VRTN: variants seen among roughly 807,000 people sequenced by gnomAD.
VRTN encodes the protein vertebrae development associated, also known as vertnin.
VRTN carries 5 observed loss-of-function variants against 18.2 expected under a neutral mutation model. The observed-to-expected ratio is 0.27, with a 90% CI of 0.14 to 0.58. The LOEUF (loss-of-function observed/expected upper bound fraction) is 0.58. Among genes scored for constraint, VRTN ranks in the 20% least tolerant of loss-of-function variants. VRTN has a pLI of 0.91. For missense variants in VRTN, 741 were observed against 939.4 expected (o/e 0.79, Z 2.76); for synonymous variants, 381 against 393.7 (o/e 0.97, Z 0.38).
At chr14:74,332,456 G>T (rs2140202549) in intron 1 of VRTN, among the ~76,000 whole-genome samples, 1 of 142,932 alleles carries the variant, frequency 7.0e-6, no homozygotes, top group African/African-American at 2.6e-5. Context: ...CCGGGTTCAA[G>T]CGATTCTCCT....
intron 1 of VRTN, among the ~76,000 whole-genome samples, 190 bp downstream of exon 1, chr14:74,348,842 GCT>G (rs1180677066): frequency 4.6e-5 from 7 of 151,544 alleles, no homozygotes; most frequent in African/African-American, 1.2e-4. Flanking sequence ...ATTGTTTCAA[GCT>G]CTCTTTCTCC....
At chr14:74,305,874 G>A (rs1447109366) in intron 1 of VRTN, 2 of 151,926 alleles carry the variant, frequency 1.3e-5, no homozygotes, top group African/African-American at 4.8e-5. Context: ...GACCTCAAGT[G>A]ATCTGCCCAC....
intron 2 of VRTN, among the ~76,000 whole-genome samples, chr14:74,342,475 G>A (rs1446929672): frequency 3.3e-5 from 5 of 151,846 alleles, no homozygotes; most frequent in Admixed American, 1.3e-4. Context: ...ATGTATATGC[G>A]CACATACACG....
chr14:74,331,489 A>G (rs751322373), intron 1 of VRTN, among the ~76,000 whole-genome samples: 1 of 143,172 alleles, frequency 7.0e-6, no homozygotes, highest in Non-Finnish European at 1.5e-5. Flanking sequence ...AGATTGCACC[A>G]TTGCACTCCA....
At chr14:74,316,468 A>G (rs1255257712) in intron 1 of VRTN, among the ~76,000 whole-genome samples, 1 of 151,136 alleles carries the variant, frequency 6.6e-6, no homozygotes, top group African/African-American at 2.4e-5. Context: ...AGCCGAGATC[A>G]CGCCACTGCA....
intron 1 of VRTN, among the ~76,000 whole-genome samples, chr14:74,334,728 C>A (rs2085552262): frequency 6.6e-6 from 1 of 152,034 alleles, no homozygotes; most frequent in Non-Finnish European, 1.5e-5. Flanking sequence ...TTGTAAAACA[C>A]AAATGTAGAA....
chr14:74,314,456 G>A, intron 1 of VRTN, among the ~76,000 whole-genome samples: 1 of 148,748 alleles, frequency 6.7e-6, no homozygotes, highest in South Asian at 2.1e-4. Context: ...GAGTGCAGTG[G>A]CACAATCTCG....
chr14:74,331,215 T>TAAACAAAC (rs1390589761), intron 1 of VRTN, among the ~76,000 whole-genome samples: 352 of 117,880 alleles, frequency 3.0e-3, no homozygotes, highest in African/African-American at 0.013. Context: ...AATAAATAAA[T>TAAACAAAC]AAATAAACAA....
intron 1 of VRTN, among the ~76,000 whole-genome samples, chr14:74,313,676 GTC>G: frequency 6.6e-6 from 1 of 152,286 alleles, no homozygotes; most frequent in South Asian, 2.1e-4. Context: ...GCCCCTGCAA[GTC>G]TGTTAAAAAG....
At chr14:74,304,452 G>A (rs1024379353) in intron 1 of VRTN, among the ~76,000 whole-genome samples, 2 of 152,100 alleles carry the variant, frequency 1.3e-5, no homozygotes, top group Non-Finnish European at 1.5e-5. Context: ...CACCGTGCCC[G>A]GCCTACAGCT....
At position 74,357,708 on chromosome 14, in the gene VRTN, A is replaced by G. The variant is rs143185421; in HGVS notation, c.925A>G (p.Lys309Glu). 341 of 1,613,430 alleles carry G rather than the reference A, an allele frequency of 2.1e-4. 2 individuals are homozygous for G. The highest frequency in any genetic ancestry group is 6.7e-5 in the Admixed American group (4 of 60,006). Residue 309 changes from lysine (K) to glutamate (E), a missense_variant, in exon 2 of 2, where the codon AAG (lysine) becomes GAG (glutamate). Lys to Glu is a moderately conservative substitution (Grantham distance 56). Transcript: ENST00000256362. This position sits in a 1 kb window ranked among gnomAD's most constrained non-coding sequence, Gnocchi z 7.8. Reference sequence around the variant, plus strand: ...GCGGCAGTCCCAGGAGCACCGGCAGAAGGTTGCTGCCCGCTTCTCCGCCAA... The same window carrying G: ...GCGGCAGTCCCAGGAGCACCGGCAGGAGGTTGCTGCCCGCTTCTCCGCCAA... ...WRRQSQEHRQ[K>E]VAARFSAKHF...
intron 1 of VRTN, among the ~76,000 whole-genome samples, chr14:74,310,411 A>AG (rs1489797447): frequency 1.3e-5 from 2 of 151,644 alleles, no homozygotes; most frequent in African/African-American, 4.8e-5. Context: ...AAAAAAAAAA[A>AG]AAAAAGGAGA....
At position 74,357,681 on chromosome 14, in the gene VRTN, C is replaced by T. The variant is rs750541993; in HGVS notation, c.898C>T (p.Arg300Trp). 39 of 1,613,408 alleles carry T rather than the reference C, an allele frequency of 2.4e-5. No individual in the cohort carries two copies. Among genetic ancestry groups the T allele is most frequent in the Middle Eastern group, 1.6e-4 (1 of 6,082 alleles). Residue 300 changes from arginine (R) to tryptophan (W), a missense_variant, in exon 2 of 2, where the codon CGG becomes TGG. Transcript: ENST00000256362. The surrounding 1 kb of genome is among the most constrained non-coding windows in gnomAD (Gnocchi z 7.8). ...CACCAAAAGCACCTTCTACCGCTGG[C>T]GGCGGCAGTCCCAGGAGCACCGGCA... ...SVTKSTFYRWRRQSQEHRQKV... is the reference protein window; with the variant it reads ...SVTKSTFYRWWRQSQEHRQKV...
chr14:74,340,963 T>G (rs2085601662), intron 2 of VRTN, among the ~76,000 whole-genome samples: 1 of 151,884 alleles, frequency 6.6e-6, no homozygotes, highest in Admixed American at 6.6e-5. Context: ...AGGATGGTCT[T>G]GATCTCCTGA....
chr14:74,347,662 G>A (rs941638045), upstream of VRTN, among the ~76,000 whole-genome samples: 6 of 152,216 alleles, frequency 3.9e-5, no homozygotes, highest in African/African-American at 1.4e-4. Flanking sequence ...GCAATCCTGA[G>A]GCCTTCACCT....
intron 1 of VRTN, among the ~76,000 whole-genome samples, chr14:74,318,536 G>A (rs749548143): frequency 2.0e-5 from 3 of 152,168 alleles, no homozygotes; most frequent in African/African-American, 4.8e-5. Context: ...CTCCCAAAGC[G>A]CTGGGATTAC....
chr14:74,347,771 C>T (rs957340685), upstream of VRTN, among the ~76,000 whole-genome samples: 1 of 152,220 alleles, frequency 6.6e-6, no homozygotes, highest in Non-Finnish European at 1.5e-5. Context: ...GCAGGTACTG[C>T]GTGCCCCCAC....
intron 1 of VRTN, among the ~76,000 whole-genome samples, chr14:74,323,180 A>G (rs866383535): frequency 6.6e-6 from 1 of 152,154 alleles, no homozygotes; most frequent in Non-Finnish European, 1.5e-5. Flanking sequence ...ACAGCTGAAT[A>G]TGGGCTTCTC....
intron 1 of VRTN, among the ~76,000 whole-genome samples, chr14:74,322,630 C>T (rs1287468077): frequency 6.6e-6 from 1 of 152,150 alleles, no homozygotes; most frequent in East Asian, 1.9e-4. Flanking sequence ...GAAGCAAATC[C>T]TGTCATAGCC....
Sources: allele counts gnomAD v4.1 joint callset (sites outside exome capture counted in the v4.1 genomes callset), GRCh38; gene constraint gnomAD v4.1.1; non-coding constraint Gnocchi (gnomAD v3.1); transcripts MANE v1.5; gene names NCBI Gene and HGNC (gene_info 2026-07-23, HGNC 2026-07-21).